Variants in REV3L observed in about 807,000 individuals in gnomAD.
The protein encoded by REV3L is REV3 like, DNA directed polymerase zeta catalytic subunit.
REV3L carries 69 observed loss-of-function variants against 299.4 expected under a neutral mutation model. That is an observed-to-expected ratio of 0.23 (90% CI 0.19 to 0.28). The LOEUF (loss-of-function observed/expected upper bound fraction) is 0.28. Ranked by LOEUF, REV3L falls within the 10% of genes least tolerant of loss-of-function variation. The pLI, the probability that REV3L is intolerant of heterozygous loss-of-function variation, is 1.00. For missense variants in REV3L, 3,128 were observed against 3,693.8 expected, an observed-to-expected ratio of 0.85 and a Z score of 3.97; for synonymous variants, 1,238 against 1,271.4, an observed-to-expected ratio of 0.97 and a Z score of 0.56.
intron 21 of REV3L, among the ~76,000 whole-genome samples, chr6:111,338,311 CCTTTTTTTTTTTTTTTTTT>C (rs1275119327): frequency 1.4e-4 from 7 of 49,034 alleles, no homozygotes; most frequent in South Asian, 5.7e-4. Flanking sequence ...AGTCTAAAGT[CCTTTTTTTTTTTTTTTTTT>C]TTTTTTTTTT....
intron 1 of REV3L, among the ~76,000 whole-genome samples, chr6:111,462,592 T>C (rs930957275): frequency 6.6e-6 from 1 of 152,042 alleles, no homozygotes; most frequent in African/African-American, 2.4e-5. Flanking sequence ...TGATGAAAAA[T>C]GTACAAACCC....
intron 1 of REV3L, among the ~76,000 whole-genome samples, chr6:111,461,468 G>C (rs1355885516): frequency 6.6e-6 from 1 of 152,006 alleles, no homozygotes; most frequent in African/African-American, 2.4e-5. Context: ...AAAAGTTACA[G>C]TAAGGTAAGG....
chr6:111,462,110 G>C (rs78917406), intron 1 of REV3L, among the ~76,000 whole-genome samples: 4,335 of 152,198 alleles, frequency 0.028, 76 homozygotes, highest in South Asian at 0.078. Flanking sequence ...AATATGTTGG[G>C]AGACAATTCT....
intron 21 of REV3L, among the ~76,000 whole-genome samples, chr6:111,341,130 T>A (rs1189433580): frequency 2.0e-5 from 3 of 150,080 alleles, no homozygotes. Context: ...AACCTCTGAC[T>A]CCTGCTCCCG....
At position 111,389,167 on chromosome 6, in the gene REV3L, A is replaced by G. The variant is rs370913996; in HGVS notation, c.801T>C (p.Asp267=). The G allele has an allele frequency of 1.4e-5, 22 of 1,613,816 alleles. No homozygotes were observed. The highest frequency in any genetic ancestry group is 3.3e-4 in the Middle Eastern group (2 of 6,080). The change falls in exon 7 of 32, where the codon GAT becomes GAC. Residue 267 remains aspartate, a synonymous_variant. Transcript: ENST00000368802. ...GNPGLQAIWE[D]EKQRRRNRNE... is the part of the protein sequence containing the mutation. ...TTCTGTTTCTTCGCCGTTGCTTTTC[A>G]TCTTCCCATATGGCCTGTAGACCAG... is the stretch of plus-strand genomic sequence containing the variant.
At chr6:111,304,278 A>T (rs1204616687) in intron 31 of REV3L, among the ~76,000 whole-genome samples, 1 of 149,806 alleles carries the variant, frequency 6.7e-6, no homozygotes, top group Non-Finnish European at 1.5e-5. Flanking sequence ...GGAGACATTT[A>T]AAACATTCTA....
intron 1 of REV3L, among the ~76,000 whole-genome samples, chr6:111,458,829 A>T: frequency 6.6e-6 from 1 of 152,180 alleles, no homozygotes; most frequent in East Asian, 1.9e-4. Context: ...GATTGGAAGA[A>T]TCAGTATCAT....
rs996276555 is a variant in REV3L at position 111,299,155 on chromosome 6, T to C, written c.*861A>G. ...ATTCCTTTTTTATTTTACACAGTTA[T>C]ACAAATATTCTAAATACACATTTTG... On this transcript the variant is annotated 3_prime_UTR_variant, in exon 32 of 32. Transcript: ENST00000368802. The C allele has an allele frequency of 6.6e-6, 1 of 152,582 alleles. No individual in the cohort carries two copies. Among genetic ancestry groups the C allele is most frequent in the African/African-American group, 2.4e-5 (1 of 41,454 alleles). The allele number at this position is 152,582 out of a possible 1,614,324, so 9.5% of individuals were successfully genotyped here.
At chr6:111,442,881 GTC>G (rs756923057) in intron 1 of REV3L, among the ~76,000 whole-genome samples, 1 of 151,994 alleles carries the variant, frequency 6.6e-6, no homozygotes. Context: ...GTGCCATGGT[GTC>G]TCTCTCTCTG....
chr6:111,407,533 G>A (rs967488415), intron 3 of REV3L, among the ~76,000 whole-genome samples: 1 of 152,126 alleles, frequency 6.6e-6, no homozygotes, highest in Non-Finnish European at 1.5e-5. Flanking sequence ...ATCACCATGA[G>A]GTCAAAAAGT....
intron 1 of REV3L, among the ~76,000 whole-genome samples, chr6:111,433,866 G>C (rs1787228220): frequency 6.6e-6 from 1 of 152,132 alleles, no homozygotes; most frequent in African/African-American, 2.4e-5. Context: ...CGATCAAGTG[G>C]AATTCATCCC....
At chr6:111,342,629 C>T (rs1192437674) in intron 21 of REV3L, among the ~76,000 whole-genome samples, 1 of 150,292 alleles carries the variant, frequency 6.7e-6, no homozygotes, top group Admixed American at 6.7e-5. Flanking sequence ...GACTGTGCCA[C>T]TGCACTCCAG....
In REV3L at chr6:111,422,605, TATATATACACATATATATATATATAC is replaced by T. The variant is rs1785550211; in HGVS notation, c.140-6159_140-6134del. On this transcript the variant is annotated intron_variant, in intron 1 of 31. Coordinates refer to ENST00000368802, the MANE Select transcript of REV3L (RefSeq NM_001372078.1). ...ATATATATATATATACACATATATA[TATATATACACATATATATATATATAC>T]ACATATATATATATATACATATATA... 3.0e-4 allele frequency among the ~76,000 whole-genome samples: 6 copies of T among 19,818 alleles called. 1 individual carries two copies. The highest frequency in any genetic ancestry group is 5.3e-4 in the African/African-American group (3 of 5,706). 13.0% of individuals were successfully genotyped at this position (19,818 alleles called of 152,430 possible). A position where few individuals can be genotyped will look rare whatever the true frequency, so the allele number is the denominator to read the frequency against.
At chr6:111,360,725 C>G (rs1778569072) in intron 16 of REV3L, 1 of 152,206 alleles carries the variant, frequency 6.6e-6, no homozygotes, top group African/African-American at 2.4e-5. Flanking sequence ...AATCCTCCTG[C>G]CTCAACCTCC....
chr6:111,338,476 A>G (rs957277962), intron 21 of REV3L, among the ~76,000 whole-genome samples: 1 of 150,976 alleles, frequency 6.6e-6, no homozygotes, highest in East Asian at 1.9e-4. Flanking sequence ...TTTTCCTTTG[A>G]TAATTGTTCA....
At chr6:111,469,884 T>C (rs993095050) in intron 1 of REV3L, among the ~76,000 whole-genome samples, 3 of 152,134 alleles carry the variant, frequency 2.0e-5, no homozygotes, top group Non-Finnish European at 4.4e-5. Flanking sequence ...TTTGGGGAGA[T>C]TTATCATACA....
At chr6:111,407,936 AAAAC>A (rs565351932) in intron 3 of REV3L, among the ~76,000 whole-genome samples, 220 of 152,304 alleles carry the variant, frequency 1.4e-3, no homozygotes, top group African/African-American at 4.6e-3. Context: ...ATTCCAATTC[AAAAC>A]AAACAAACAA....
intron 1 of REV3L, among the ~76,000 whole-genome samples, chr6:111,449,065 A>G (rs1197067897): frequency 6.6e-6 from 1 of 152,186 alleles, no homozygotes; most frequent in Non-Finnish European, 1.5e-5. Flanking sequence ...TTAATGCTTG[A>G]GCTTAAACTT....
At chr6:111,366,677 A>T (rs1412150749) in intron 14 of REV3L, among the ~76,000 whole-genome samples, 1 of 152,206 alleles carries the variant, frequency 6.6e-6, no homozygotes, top group Non-Finnish European at 1.5e-5. Flanking sequence ...TTCAGTTTAG[A>T]GTGGGCTGAG....
Sources: gnomAD v4.1 joint callset for allele counts (sites outside exome capture counted in the v4.1 genomes callset) on GRCh38, gnomAD v4.1.1 for gene constraint, MANE v1.5 for transcripts, NCBI Gene and HGNC (gene_info 2026-07-23, HGNC 2026-07-21) for gene names.